Variants in ZNF177 observed in about 807,000 individuals in gnomAD.
ZNF177 encodes the protein zinc finger protein 177.
In ZNF177, 17 loss-of-function variants were observed where a neutral mutation model predicts 19.4. That is an observed-to-expected ratio of 0.87 (90% CI 0.60 to 1.31). The LOEUF (loss-of-function observed/expected upper bound fraction) is 1.31. ZNF177 is among the 40% of genes most tolerant of loss of function. The pLI is 0.00. For missense variants in ZNF177, 633 were observed against 561.8 expected (o/e 1.13, Z -1.28); for synonymous variants, 220 against 188.7 (o/e 1.17, Z -1.36).
intron 1 of ZNF177, among the ~76,000 whole-genome samples, chr19:9,377,199 A>G (rs79484531): frequency 0.021 from 3,220 of 152,248 alleles, 110 homozygotes; most frequent in African/African-American, 0.073. Context: ...CATTACTCAC[A>G]TGTCTGTCAT....
chr19:9,369,028 T>C (rs746521772), intron 2 of ZNF177, among the ~76,000 whole-genome samples: 2 of 152,124 alleles, frequency 1.3e-5, no homozygotes, highest in African/African-American at 2.4e-5. Context: ...AGATGTTTTA[T>C]ATACCAAATT....
upstream of ZNF177, among the ~76,000 whole-genome samples, chr19:9,375,063 T>C (rs1358465248): frequency 1.3e-5 from 2 of 150,476 alleles, no homozygotes; most frequent in Non-Finnish European, 3.0e-5. Context: ...ATGCTGAATT[T>C]TACCAAGTGC....
At chr19:9,381,789 G>A (rs2122570900) in exon 6 of ZNF177, 1 of 1,578,830 alleles carries the variant, frequency 6.3e-7, no homozygotes, top group South Asian at 1.2e-5. Flanking sequence ...ATGACTCAGG[G>A]AAGTGTTTGT....
chr19:9,365,672 CTG>C (rs2067968885), intron 2 of ZNF177, among the ~76,000 whole-genome samples: 1 of 152,120 alleles, frequency 6.6e-6, no homozygotes, highest in African/African-American at 2.4e-5. Context: ...CAAGGGAAGA[CTG>C]TCTTCCCGAG....
At chr19:9,378,215 A>T in intron 1 of ZNF177, 44 bp from the exon 4 acceptor site, 1 of 1,534,490 alleles carries the variant, frequency 6.5e-7, no homozygotes, top group Non-Finnish European at 8.8e-7. Context: ...AGTGTTGAAC[A>T]TCTAGCAGGC....
chr19:9,379,925 G>T, intron 4 of ZNF177, 132 bp from the exon 7 acceptor site: 1 of 1,083,902 alleles, frequency 9.2e-7, no homozygotes, highest in Non-Finnish European at 1.3e-6. Flanking sequence ...TGAATCACTG[G>T]TTGTGTCTTC....
At chr19:9,375,961 TACTC>T (rs2068104134), upstream of ZNF177, among the ~76,000 whole-genome samples, 2 of 152,218 alleles carry the variant, frequency 1.3e-5, no homozygotes, top group Non-Finnish European at 2.9e-5. Context: ...AGATCTTTCC[TACTC>T]ACCCTTGCTC....
intron 1 of ZNF177, among the ~76,000 whole-genome samples, chr19:9,377,515 AG>A (rs2068126936): frequency 2.0e-5 from 3 of 152,296 alleles, no homozygotes; most frequent in Non-Finnish European, 4.4e-5. Flanking sequence ...AGAAGGTGTC[AG>A]ACAGTGATAC....
At chr19:9,364,711 A>T (rs1033121925) in intron 1 of ZNF177, among the ~76,000 whole-genome samples, 151 bp from the exon 2 acceptor site, 1 of 152,158 alleles carries the variant, frequency 6.6e-6, no homozygotes, top group Non-Finnish European at 1.5e-5. Context: ...GGTGTCTTGT[A>T]CTTAGAATCC....
intron 2 of ZNF177, among the ~76,000 whole-genome samples, chr19:9,367,147 C>T (rs145705817): frequency 0.012 from 1,778 of 152,130 alleles, 16 homozygotes; most frequent in African/African-American, 0.018. Flanking sequence ...GGTGAAACCC[C>T]GTCTCTACTA....
intron 2 of ZNF177, among the ~76,000 whole-genome samples, chr19:9,370,964 G>A (rs556677414): frequency 6.6e-6 from 1 of 152,280 alleles, no homozygotes; most frequent in East Asian, 1.9e-4. Flanking sequence ...GTAGCCACTA[G>A]CCTCATGTGG....
At chr19:9,379,925 G>GT in intron 4 of ZNF177, 132 bp from the exon 7 acceptor site, 1 of 1,083,904 alleles carries the variant, frequency 9.2e-7, no homozygotes, top group Non-Finnish European at 1.3e-6. Context: ...TGAATCACTG[G>GT]TTGTGTCTTC....
chr19:9,370,796 A>AAT, intron 2 of ZNF177, among the ~76,000 whole-genome samples: 1 of 152,192 alleles, frequency 6.6e-6, no homozygotes, highest in African/African-American at 2.4e-5. Flanking sequence ...AGACACAAGC[A>AAT]TTCATCTTTT....
At chr19:9,364,584 T>G (rs888863195) in intron 1 of ZNF177, among the ~76,000 whole-genome samples, 1 of 152,168 alleles carries the variant, frequency 6.6e-6, no homozygotes, top group Non-Finnish European at 1.5e-5. Flanking sequence ...CTAGTGTGCA[T>G]GTGCCTGTCC....
chr19:9,381,289 T>G, exon 6 of ZNF177: 1 of 1,613,270 alleles, frequency 6.2e-7, no homozygotes, highest in Non-Finnish European at 8.5e-7. Context: ...CTGTGGAAAA[T>G]CCTTTAGCCA....
At chr19:9,378,708 C>A in intron 2 of ZNF177, 3 of 577,432 alleles carry the variant, frequency 5.2e-6, no homozygotes, top group East Asian at 6.4e-5. Context: ...CCTAACTGTG[C>A]AAAGATCAAG....
chr19:9,366,293 T>C (rs1389246691), intron 2 of ZNF177, among the ~76,000 whole-genome samples: 1 of 152,132 alleles, frequency 6.6e-6, no homozygotes, highest in Non-Finnish European at 1.5e-5. Flanking sequence ...ATTCCTTTTT[T>C]TAATGAGACA....
At chr19:9,365,503 G>A (rs1392477698) in intron 2 of ZNF177, among the ~76,000 whole-genome samples, 1 of 152,000 alleles carries the variant, frequency 6.6e-6, no homozygotes, top group Non-Finnish European at 1.5e-5. Flanking sequence ...AAGCGGAGAA[G>A]GGTAGACACA....
At position 9,378,648 on chromosome 19, in the gene ZNF177, G is replaced by T. The variant is rs370584317; in HGVS notation, c.33+304G>T. The T allele has an allele frequency of 1.4e-5, 8 of 570,578 alleles. No homozygotes were observed. The African/African-American group carries it at 1.5e-4, about 11-fold the overall frequency. 35.3% of individuals were successfully genotyped at this position (570,578 alleles called of 1,614,324 possible). ...CTCAAGTATTTCTTGCATTCCTACA[G>T]TATGCCCTGTCTATACTGGATCTGA... On this transcript the variant is annotated intron_variant, in intron 2 of 5. Coordinates refer to ENST00000589262, the Ensembl canonical transcript of ZNF177.
Sources: allele counts gnomAD v4.1 joint callset (sites outside exome capture counted in the v4.1 genomes callset), GRCh38; gene constraint gnomAD v4.1.1; transcripts MANE v1.5; gene names NCBI Gene and HGNC (gene_info 2026-07-23, HGNC 2026-07-21).